Variants in ZNF804A observed in about 807,000 individuals in gnomAD.
ZNF804A encodes zinc finger protein 804A.
Under a neutral mutation model 16.5 loss-of-function variants are expected in ZNF804A, and 2 were observed. The ratio of observed to expected loss-of-function variants is 0.12; its 90% CI spans 0.05 to 0.38. The LOEUF (loss-of-function observed/expected upper bound fraction) is 0.38, where lower values mean the gene tolerates loss of function less well. Among genes scored for constraint, ZNF804A ranks in the 10% least tolerant of loss-of-function variants. The pLI is 0.99. For missense variants in ZNF804A, 1,473 were observed against 1,390.7 expected, an observed-to-expected ratio of 1.06 and a Z score of -0.94; for synonymous variants, 534 against 489.6, an observed-to-expected ratio of 1.09 and a Z score of -1.20.
intron 1 of ZNF804A, among the ~76,000 whole-genome samples, chr2:184,657,482 T>C (rs887341234): frequency 5.3e-5 from 8 of 152,178 alleles, no homozygotes; most frequent in Admixed American, 4.6e-4. Context: ...GGGCTTTTTG[T>C]TTTTTGACGC....
chr2:184,864,564 G>A (rs138297976), intron 1 of ZNF804A, among the ~76,000 whole-genome samples: 1 of 152,266 alleles, frequency 6.6e-6, no homozygotes, highest in African/African-American at 2.4e-5. Context: ...GCAAATGTAT[G>A]CATTGATTAC....
In ZNF804A at chr2:184,936,633, A is replaced by G; in HGVS notation, c.1237A>G (p.Lys413Glu). The G allele has an allele frequency of 6.2e-7, 1 of 1,614,036 alleles. No individual in the cohort carries two copies. The highest frequency in any genetic ancestry group is 8.5e-7 in the Non-Finnish European group (1 of 1,179,934). The change falls in exon 4 of 4, where the codon AAG (lysine) becomes GAG (glutamate). Residue 413 changes from lysine to glutamate, a missense_variant. Coordinates refer to ENST00000302277, the MANE Select transcript of ZNF804A (RefSeq NM_194250.2). ...NTEEVNITIH[K>E]KTNFCKRQCE... The stretch of plus-strand genomic sequence containing the variant: ...TGAAGAGGTTAACATAACTATACAT[A>G]AGAAAACAAATTTCTGCAAAAGACA...
chr2:184,765,972 G>A (rs371116524), intron 1 of ZNF804A, among the ~76,000 whole-genome samples: 11 of 151,962 alleles, frequency 7.2e-5, no homozygotes, highest in East Asian at 1.9e-4. Flanking sequence ...AACACTTGCC[G>A]TCATGTTATT....
At chr2:184,604,842 TTA>T (rs1227850578) in intron 1 of ZNF804A, among the ~76,000 whole-genome samples, 1 of 152,104 alleles carries the variant, frequency 6.6e-6, no homozygotes, top group African/African-American at 2.4e-5. Flanking sequence ...TTGAACTGAA[TTA>T]ACAGTATTCT....
At chr2:184,934,277 G>A (rs1685750958) in intron 3 of ZNF804A, among the ~76,000 whole-genome samples, 1 of 152,128 alleles carries the variant, frequency 6.6e-6, no homozygotes, top group South Asian at 2.1e-4. Flanking sequence ...GCTTCTAACA[G>A]TGAGCAGCTA....
intron 1 of ZNF804A, among the ~76,000 whole-genome samples, chr2:184,622,432 T>A: frequency 6.6e-6 from 1 of 151,756 alleles, no homozygotes; most frequent in East Asian, 1.9e-4. Context: ...AAATGGAGCT[T>A]ATTGAGATAA....
At chr2:184,840,055 G>T (rs1367268458) in intron 1 of ZNF804A, among the ~76,000 whole-genome samples, 2 of 152,228 alleles carry the variant, frequency 1.3e-5, no homozygotes, top group Admixed American at 6.5e-5. Flanking sequence ...CCCATTGAAA[G>T]CTACTTCTCT....
chr2:184,929,375 A>C (rs1175017876), intron 2 of ZNF804A, among the ~76,000 whole-genome samples: 1 of 152,064 alleles, frequency 6.6e-6, no homozygotes, highest in African/African-American at 2.4e-5. Context: ...TTTTTCATTC[A>C]TTTGTTTTTC....
At chr2:184,649,598 A>G (rs1691947004) in intron 1 of ZNF804A, among the ~76,000 whole-genome samples, 1 of 152,102 alleles carries the variant, frequency 6.6e-6, no homozygotes, top group East Asian at 1.9e-4. Flanking sequence ...CATTACAACT[A>G]ATCCTCCAGA....
intron 1 of ZNF804A, among the ~76,000 whole-genome samples, chr2:184,862,272 A>T (rs1034577201): frequency 2.3e-4 from 35 of 152,232 alleles, no homozygotes; most frequent in Non-Finnish European, 1.9e-4. Context: ...GAGAGGGGTC[A>T]TGGAACGTGT....
chr2:184,749,701 G>A (rs1574194018), intron 1 of ZNF804A, among the ~76,000 whole-genome samples: 1 of 151,296 alleles, frequency 6.6e-6, no homozygotes, highest in Non-Finnish European at 1.5e-5. Context: ...GGATAGACCA[G>A]CCATTTTTTG....
intron 1 of ZNF804A, among the ~76,000 whole-genome samples, chr2:184,771,263 G>A (rs1447891078): frequency 6.6e-6 from 1 of 151,988 alleles, no homozygotes; most frequent in Non-Finnish European, 1.5e-5. Context: ...AGGTTGTAGT[G>A]CTTGAGAGGA....
At chr2:184,663,214 C>T (rs1003604197) in intron 1 of ZNF804A, among the ~76,000 whole-genome samples, 1 of 152,182 alleles carries the variant, frequency 6.6e-6, no homozygotes, top group African/African-American at 2.4e-5. Context: ...CTGGGAAGCC[C>T]CCATACCCTC....
At chr2:184,933,793 G>A in intron 3 of ZNF804A, 60 bp downstream of exon 3, 2 of 1,528,922 alleles carry the variant, frequency 1.3e-6, no homozygotes, top group Non-Finnish European at 1.8e-6. Context: ...GGGTATAGGG[G>A]GAGTCAGAAA....
chr2:184,766,790 T>A (rs373532336), intron 1 of ZNF804A, among the ~76,000 whole-genome samples: 2 of 152,134 alleles, frequency 1.3e-5, no homozygotes, highest in East Asian at 1.9e-4. Flanking sequence ...TCATTCACAA[T>A]AGCCAAAATG....
intron 1 of ZNF804A, among the ~76,000 whole-genome samples, chr2:184,808,286 A>G (rs1001558140): frequency 6.6e-6 from 1 of 151,568 alleles, no homozygotes; most frequent in Non-Finnish European, 1.5e-5. Context: ...TATTTTTACA[A>G]TCATATATGT....
At chr2:184,751,172 A>AT (rs201861928) in intron 1 of ZNF804A, among the ~76,000 whole-genome samples, 108 of 151,314 alleles carry the variant, frequency 7.1e-4, no homozygotes, top group African/African-American at 2.5e-3. Flanking sequence ...CCAGATTTCA[A>AT]TTTTTTTTGG....
At position 184,788,908 on chromosome 2, in the gene ZNF804A, G is replaced by C. The variant is rs549216026; in HGVS notation, c.112-77461G>C. Among the ~76,000 whole-genome samples, 10 of 152,064 alleles carry C rather than the reference G, an allele frequency of 6.6e-5. No individual in the cohort carries two copies. The East Asian group carries it at 1.9e-3, about 29-fold the overall frequency. ...GAGAGCAGACAGACATCCTTGTTTTGTCTCAGTTCCTGGGAGAAATACTTT... is the reference window on the plus strand; with the variant it reads ...GAGAGCAGACAGACATCCTTGTTTTCTCTCAGTTCCTGGGAGAAATACTTT... On this transcript the variant is annotated intron_variant, in intron 1 of 3. Coordinates refer to ENST00000302277, the MANE Select transcript of ZNF804A (RefSeq NM_194250.2).
At chr2:184,634,109 T>G (rs1415822300) in intron 1 of ZNF804A, among the ~76,000 whole-genome samples, 1 of 152,204 alleles carries the variant, frequency 6.6e-6, no homozygotes, top group Non-Finnish European at 1.5e-5. Flanking sequence ...CACAAATTAT[T>G]CAATATATCA....
Sources: gnomAD v4.1 joint callset for allele counts (sites outside exome capture counted in the v4.1 genomes callset) on GRCh38, gnomAD v4.1.1 for gene constraint, MANE v1.5 for transcripts, NCBI Gene and HGNC (gene_info 2026-07-23, HGNC 2026-07-21) for gene names.